The following CSMD1 variants were observed in gnomAD, a reference collection of about 807,000 sequenced individuals.
CSMD1 encodes the protein CUB and Sushi multiple domains 1.
In CSMD1, 213 loss-of-function variants were observed where a neutral mutation model predicts 417.5. That is an observed-to-expected ratio of 0.51 (90% CI 0.46 to 0.57). The LOEUF (loss-of-function observed/expected upper bound fraction) is 0.57. Among genes scored for constraint, CSMD1 ranks in the 20% least tolerant of loss-of-function variants. The pLI, the probability that CSMD1 is intolerant of heterozygous loss-of-function variation, is 0.00. For missense variants in CSMD1, 6,923 were observed against 4,529.7 expected, an observed-to-expected ratio of 1.53 and a Z score of -15.17; for synonymous variants, 2,862 against 1,736.8, an observed-to-expected ratio of 1.65 and a Z score of -16.11.
chr8:3,985,026 G>C (rs1814213586), intron 5 of CSMD1, among the ~76,000 whole-genome samples: 1 of 152,026 alleles, frequency 6.6e-6, no homozygotes, highest in Non-Finnish European at 1.5e-5. Context: ...AGGTGGCTCT[G>C]ACCACATTTT....
intron 5 of CSMD1, among the ~76,000 whole-genome samples, chr8:3,953,936 G>A (rs1368441538): frequency 1.3e-5 from 2 of 152,232 alleles, no homozygotes; most frequent in African/African-American, 4.8e-5. Flanking sequence ...TGGCAAGGGT[G>A]GCTCTGGGTC....
At chr8:4,098,252 T>TTTCCAGGCG in intron 3 of CSMD1, among the ~76,000 whole-genome samples, 1 of 152,288 alleles carries the variant, frequency 6.6e-6, no homozygotes, top group South Asian at 2.1e-4. Flanking sequence ...ATAAATACAA[T>TTTCCAGGCG]GTACTTCAGA....
intron 3 of CSMD1, among the ~76,000 whole-genome samples, chr8:4,196,081 G>A (rs967827318): frequency 3.9e-5 from 6 of 152,082 alleles, no homozygotes; most frequent in African/African-American, 7.2e-5. Context: ...CGTGGTGACG[G>A]GCGCCTGTAG....
chr8:4,281,977 A>G (rs1796808635), intron 3 of CSMD1, among the ~76,000 whole-genome samples: 2 of 152,232 alleles, frequency 1.3e-5, no homozygotes, highest in African/African-American at 2.4e-5. Context: ...CCAATTGCAA[A>G]TGCATTCAAC....
At chr8:3,752,116 A>C (rs531699432) in intron 6 of CSMD1, among the ~76,000 whole-genome samples, 58 of 152,238 alleles carry the variant, frequency 3.8e-4, no homozygotes, top group Middle Eastern at 3.4e-3. Flanking sequence ...CAACACGTCC[A>C]TCCCACCTTT....
intron 5 of CSMD1, among the ~76,000 whole-genome samples, chr8:3,781,004 C>G (rs1799149063): frequency 6.6e-6 from 1 of 152,070 alleles, no homozygotes; most frequent in African/African-American, 2.4e-5. Context: ...TTGTGTGACT[C>G]CTTGGAATAA....
intron 10 of CSMD1, among the ~76,000 whole-genome samples, chr8:3,571,015 G>T (rs1341646856): frequency 6.6e-6 from 1 of 152,146 alleles, no homozygotes; most frequent in Non-Finnish European, 1.5e-5. Context: ...GTATAATCTG[G>T]ATTTAAATGA....
intron 3 of CSMD1, among the ~76,000 whole-genome samples, chr8:4,291,121 G>A (rs935032254): frequency 1.3e-5 from 2 of 151,986 alleles, no homozygotes; most frequent in Non-Finnish European, 2.9e-5. Context: ...ATGTTTCTAT[G>A]ACAGGAATCT....
rs909673844 is a variant in CSMD1 at position 3,969,425 on chromosome 8, C to T, written c.818+28478G>A. On this transcript the variant is annotated intron_variant, in intron 5 of 69. Coordinates refer to ENST00000635120, the MANE Select transcript of CSMD1 (RefSeq NM_033225.6). ...TATACCTCCTCTTCCATGCAGCAGC[C>T]TGGAGATGGGTGGTCATGGTCACTA... Among the ~76,000 whole-genome samples, 4 of 152,086 alleles carry T rather than the reference C, an allele frequency of 2.6e-5. No individual in the cohort carries two copies. The East Asian group carries it at 7.7e-4, about 29-fold the overall frequency.
intron 1 of CSMD1, among the ~76,000 whole-genome samples, chr8:4,653,737 T>A (rs1033509485): frequency 1.3e-5 from 2 of 152,142 alleles, no homozygotes; most frequent in Non-Finnish European, 2.9e-5. Context: ...AGGAAAATTG[T>A]ATTCAAACAC....
intron 2 of CSMD1, among the ~76,000 whole-genome samples, chr8:4,465,052 C>G (rs978198969): frequency 6.6e-6 from 1 of 152,068 alleles, no homozygotes; most frequent in Admixed American, 6.6e-5. Context: ...CACAACAAGG[C>G]CGAGCATTTC....
At chr8:4,675,001 A>G (rs1230687538) in intron 1 of CSMD1, among the ~76,000 whole-genome samples, 1 of 152,174 alleles carries the variant, frequency 6.6e-6, no homozygotes, top group African/African-American at 2.4e-5. Context: ...AACCAAGAAG[A>G]GAGCCTTCCC....
At chr8:4,275,014 A>ATT (rs1446566193) in intron 3 of CSMD1, among the ~76,000 whole-genome samples, 2 of 152,152 alleles carry the variant, frequency 1.3e-5, no homozygotes, top group Non-Finnish European at 2.9e-5. Context: ...AATAGTTAAT[A>ATT]CATTTTTCCA....
At chr8:4,876,484 G>A (rs1424631191) in intron 1 of CSMD1, among the ~76,000 whole-genome samples, 1 of 152,004 alleles carries the variant, frequency 6.6e-6, no homozygotes, top group Admixed American at 6.5e-5. Flanking sequence ...CTTAGTTATT[G>A]GAATTAGATT....
At chr8:4,103,301 C>T (rs1801400280) in intron 3 of CSMD1, among the ~76,000 whole-genome samples, 2 of 150,802 alleles carry the variant, frequency 1.3e-5, no homozygotes, top group African/African-American at 2.4e-5. Context: ...CGTGTGTGTG[C>T]ATATACACAC....
At chr8:4,128,004 A>G (rs1802866899) in intron 3 of CSMD1, among the ~76,000 whole-genome samples, 1 of 152,208 alleles carries the variant, frequency 6.6e-6, no homozygotes, top group South Asian at 2.1e-4. Context: ...GGATGCTGTC[A>G]CTTGAGCAAG....
intron 39 of CSMD1, among the ~76,000 whole-genome samples, chr8:3,154,242 G>T (rs1819378325): frequency 6.6e-6 from 1 of 152,336 alleles, no homozygotes; most frequent in South Asian, 2.1e-4. Flanking sequence ...CGAAGTGAGG[G>T]GATTACAGGC....
Position 4,795,252 on chromosome 8 carries a change from C to CTTTTTTTTTTTTTTTTTTTT in CSMD1, c.86-157714_86-157695dup, listed in dbSNP as rs571984359. On this transcript the variant is annotated intron_variant, in intron 1 of 69. Coordinates refer to ENST00000635120, the MANE Select transcript of CSMD1 (RefSeq NM_033225.6). ...ATTTCTAGGTCTGCTGGTGTCATAG[C>CTTTTTTTTTTTTTTTTTTTT]TTTTTTTTTTTTTTTTTTTTTTTTT... 1.1e-3 allele frequency among the ~76,000 whole-genome samples: 53 copies of CTTTTTTTTTTTTTTTTTTTT among 46,252 alleles called. 14 individuals are homozygous for CTTTTTTTTTTTTTTTTTTTT. Among genetic ancestry groups the CTTTTTTTTTTTTTTTTTTTT allele is most frequent in the Non-Finnish European group, 1.4e-3 (34 of 23,986 alleles). The allele number at this position is 46,252 out of a possible 152,430, so 30.3% of individuals were successfully genotyped here.
intron 42 of CSMD1, among the ~76,000 whole-genome samples, chr8:3,117,543 T>A (rs1816942977): frequency 6.6e-6 from 1 of 152,266 alleles, no homozygotes; most frequent in East Asian, 1.9e-4. Context: ...CATTCAAAGG[T>A]CCTGTATGTA....
Sources: allele counts gnomAD v4.1 joint callset (sites outside exome capture counted in the v4.1 genomes callset), GRCh38; gene constraint gnomAD v4.1.1; transcripts MANE v1.5; gene names NCBI Gene and HGNC (gene_info 2026-07-23, HGNC 2026-07-21).